CEP350: variants seen among roughly 807,000 people sequenced by gnomAD.
CEP350 encodes the protein centrosome-associated protein 350.
A neutral mutation model predicts 331.8 loss-of-function variants in CEP350; 126 were observed. The ratio of observed to expected loss-of-function variants is 0.38; its 90% CI spans 0.33 to 0.44. The LOEUF is 0.44. Ranked by LOEUF, CEP350 falls within the 20% of genes least tolerant of loss-of-function variation. CEP350 has a pLI of 1.00. For missense variants in CEP350, 3,406 were observed against 3,634.6 expected (o/e 0.94, Z 1.62); for synonymous variants, 1,200 against 1,259.5 (o/e 0.95, Z 1.00).
Position 180,022,753 on chromosome 1 carries a change from C to G in CEP350, c.3291C>G (p.Thr1097=). Residue 1097 remains threonine, a synonymous_variant, in exon 13 of 38, where the codon ACC becomes ACG. Transcript: ENST00000367607. ...GTSTSRPLNA[T]ATPLSGVSYE... The stretch of plus-strand genomic sequence containing the variant: ...CAACATCACGGCCTTTGAATGCCAC[C>G]GCAACTCCTCTAAGTGGTGTTTCAT... 2.5e-6 allele frequency: 4 copies of G among 1,611,210 alleles called. No individual in the cohort carries two copies. The highest frequency in any genetic ancestry group is 3.4e-6 in the Non-Finnish European group (4 of 1,178,526).
chr1:180,058,101 C>T (rs902971808), intron 25 of CEP350, among the ~76,000 whole-genome samples: 3 of 152,152 alleles, frequency 2.0e-5, no homozygotes, highest in Admixed American at 6.5e-5. Flanking sequence ...ATATATGACT[C>T]AGCAGTTCTG....
intron 6 of CEP350, among the ~76,000 whole-genome samples, chr1:180,001,511 A>G (rs1280294284): frequency 1.3e-5 from 2 of 152,150 alleles, no homozygotes; most frequent in African/African-American, 2.4e-5. Flanking sequence ...CACTCGCCTC[A>G]GCCTCCCAAA....
intron 3 of CEP350, among the ~76,000 whole-genome samples, chr1:179,989,852 T>G (rs1316183587): frequency 6.6e-6 from 1 of 152,172 alleles, no homozygotes; most frequent in African/African-American, 2.4e-5. Flanking sequence ...TTTTTGCGTG[T>G]AAAATGCACA....
At chr1:180,039,239 C>A (rs1475929042) in intron 17 of CEP350, among the ~76,000 whole-genome samples, 3 of 115,698 alleles carry the variant, frequency 2.6e-5, no homozygotes, top group African/African-American at 9.8e-5. Context: ...CAGAGTGAAA[C>A]CCTGTCTCAA....
At position 180,087,707 on chromosome 1, in the gene CEP350, C is replaced by A; in HGVS notation, c.6415C>A (p.Pro2139Thr). The change falls in exon 32 of 38, where the codon CCA (proline) becomes ACA (threonine). Residue 2139 changes from proline (P) to threonine (T), a missense_variant. Pro to Thr is a conservative substitution (Grantham distance 38). Around this residue, in one of 5 missense-constraint regions of CEP350, gnomAD observed 1,415 missense variants for 1,512.3 expected, o/e 0.94. Coordinates refer to ENST00000367607, the MANE Select transcript of CEP350 (RefSeq NM_014810.5). ...AAAACCCAAGATCAAACCCCTCACA[C>A]CACTACACAGGTAGAAATTTTTGAT... ...SEKPKIKPLT[P>T]LHRSETAKNW... 6.5e-7 allele frequency: 1 copy of A among 1,542,688 alleles called. No individual in the cohort carries two copies. Among genetic ancestry groups the A allele is most frequent in the Admixed American group, 1.9e-5 (1 of 51,340 alleles).
chr1:180,110,871 T>G, intron 37 of CEP350, 126 bp from the exon 38 acceptor site: 1 of 812,094 alleles, frequency 1.2e-6, no homozygotes, highest in South Asian at 2.1e-5. Flanking sequence ...TCATATGAAT[T>G]ATCTTTTTTC....
chr1:179,958,303 T>G (rs1650327479), intron 1 of CEP350, among the ~76,000 whole-genome samples: 1 of 152,160 alleles, frequency 6.6e-6, no homozygotes, highest in Admixed American at 6.5e-5. Flanking sequence ...GTATATATAT[T>G]GTTTGATAGA....
chr1:179,956,012 A>G (rs576335362), intron 1 of CEP350, among the ~76,000 whole-genome samples: 1 of 152,356 alleles, frequency 6.6e-6, no homozygotes, highest in African/African-American at 2.4e-5. Context: ...AGAGCTAGTA[A>G]CAATCTGAAA....
At chr1:179,992,851 C>T (rs918933258) in intron 5 of CEP350, among the ~76,000 whole-genome samples, 4 of 152,136 alleles carry the variant, frequency 2.6e-5, no homozygotes, top group Non-Finnish European at 5.9e-5. Flanking sequence ...GATTTCAGTG[C>T]ATTCATGCTC....
chr1:179,986,265 G>GT lies in CEP350; in HGVS notation c.73+18dup, dbSNP rs759159677. 48 of 1,546,330 alleles carry GT rather than the reference G, an allele frequency of 3.1e-5. No homozygotes were observed. The highest frequency in any genetic ancestry group is 1.7e-4 in the South Asian group (14 of 83,562). ...AGGATACTGTTCAAGGTATGATTTTGTTTTTTTAAACAGAACTTAATACCT... is the reference window on the plus strand; with the variant it reads ...AGGATACTGTTCAAGGTATGATTTTGTTTTTTTTAAACAGAACTTAATACCT... On this transcript the variant is annotated intron_variant, in intron 2 of 37. Coordinates refer to ENST00000367607, the MANE Select transcript of CEP350 (RefSeq NM_014810.5).
chr1:180,112,994 G>T lies in CEP350; in HGVS notation c.*1833G>T, dbSNP rs549690425. Reference sequence around the variant, plus strand: ...AAATGCTCAGATTGATGTCTTACCAGCATTTCTTCTGGGCTTGTGATGTTG... The same window carrying T: ...AAATGCTCAGATTGATGTCTTACCATCATTTCTTCTGGGCTTGTGATGTTG... On this transcript the variant is annotated 3_prime_UTR_variant, in exon 38 of 38. Transcript: ENST00000367607. The T allele has an allele frequency of 6.5e-6, 1 of 152,714 alleles. No homozygotes were observed. Among genetic ancestry groups the T allele is most frequent in the Admixed American group, 6.5e-5 (1 of 15,288 alleles). 9.5% of individuals were successfully genotyped at this position (152,714 alleles called of 1,614,324 possible). A position where few individuals can be genotyped will look rare whatever the true frequency, so the allele number is the denominator to read the frequency against.
At chr1:179,961,566 T>G (rs1295626010) in intron 1 of CEP350, among the ~76,000 whole-genome samples, 1 of 152,250 alleles carries the variant, frequency 6.6e-6, no homozygotes, top group Non-Finnish European at 1.5e-5. Flanking sequence ...TGTTTTGTTT[T>G]GTTTTAATCT....
intron 27 of CEP350, chr1:180,073,717 C>G: frequency 8.2e-7 from 1 of 1,213,760 alleles, no homozygotes. Flanking sequence ...TCAGCTCTTA[C>G]GCTTTCCCTT....
intron 26 of CEP350, among the ~76,000 whole-genome samples, chr1:180,064,326 C>T (rs909258495): frequency 3.3e-5 from 5 of 152,142 alleles, no homozygotes; most frequent in Admixed American, 6.5e-5. Flanking sequence ...TGAGACCCCA[C>T]TCTTGCCCTC....
chr1:180,007,524 AT>A (rs1277738454), intron 8 of CEP350, among the ~76,000 whole-genome samples: 1 of 152,084 alleles, frequency 6.6e-6, no homozygotes, highest in Admixed American at 6.6e-5. Context: ...AGATGGATAG[AT>A]TGCAAAATTT....
rs1661462381 is a variant in CEP350, at chr1:180,111,411, T to C, written c.*250T>C. ...TTGCACAGTGTAATCCTACACCTTT[T>C]GCTAACACCCCTACTAGGTCCCAGA... is the stretch of plus-strand genomic sequence containing the variant. On this transcript the variant is annotated 3_prime_UTR_variant, in exon 38 of 38. Coordinates refer to ENST00000367607, the MANE Select transcript of CEP350 (RefSeq NM_014810.5). The C allele has an allele frequency of 3.1e-6, 1 of 324,840 alleles. No homozygotes were observed. The highest frequency in any genetic ancestry group is 4.7e-5 in the Admixed American group (1 of 21,286). 20.1% of individuals were successfully genotyped at this position (324,840 alleles called of 1,614,324 possible).
intron 37 of CEP350, among the ~76,000 whole-genome samples, chr1:180,109,177 G>A (rs1661334514): frequency 6.8e-6 from 1 of 146,984 alleles, no homozygotes. Context: ...GGAGTGCAGT[G>A]GCGCAATCTT....
At chr1:180,008,927 T>G (rs1654434604) in intron 8 of CEP350, among the ~76,000 whole-genome samples, 1 of 152,204 alleles carries the variant, frequency 6.6e-6, no homozygotes, top group Admixed American at 6.5e-5. Flanking sequence ...TAACTTTAGA[T>G]GTCATAATAG....
chr1:180,019,848 T>C, intron 11 of CEP350, 101 bp from the exon 12 acceptor site: 2 of 956,360 alleles, frequency 2.1e-6, no homozygotes, highest in Non-Finnish European at 1.5e-6. Context: ...CTGTCCTTTT[T>C]TTGTTGCAGT....
Sources: allele counts gnomAD v4.1 joint callset (sites outside exome capture counted in the v4.1 genomes callset), GRCh38; gene constraint gnomAD v4.1.1; regional missense constraint gnomAD v4.1.1; transcripts MANE v1.5; gene names NCBI Gene and HGNC (gene_info 2026-07-23, HGNC 2026-07-21).